Variants in PRKAG2 observed in about 807,000 individuals in gnomAD.
The protein encoded by PRKAG2 is 5'-AMP-activated protein kinase subunit gamma-2.
Under a neutral mutation model 69.6 loss-of-function variants are expected in PRKAG2, and 26 were observed. The ratio of observed to expected loss-of-function variants is 0.37; its 90% confidence interval spans 0.27 to 0.52. The LOEUF (loss-of-function observed/expected upper bound fraction) is 0.52, where lower values mean the gene tolerates loss of function less well. Among genes scored for constraint, PRKAG2 ranks in the 20% least tolerant of loss-of-function variants. The probability of loss-of-function intolerance (pLI) is 0.90; values close to 1 mark genes in which losing one functional copy is unlikely to be tolerated. For missense variants in PRKAG2, 557 were observed against 740.0 expected (o/e 0.75, Z 2.87); for synonymous variants, 293 against 285.0 (o/e 1.03, Z -0.28).
At chr7:151,809,347 C>T (rs536603586) in intron 1 of PRKAG2, 40 of 434,682 alleles carry the variant, frequency 9.2e-5, no homozygotes, top group African/African-American at 2.0e-4. Flanking sequence ...TCGCAGTCCA[C>T]GGCAGGTGTC....
chr7:151,675,600 T>C lies in PRKAG2; in HGVS notation c.504A>G (p.Gln168=). The C allele has an allele frequency of 6.2e-7, 1 of 1,614,052 alleles. No individual in the cohort carries two copies. The highest frequency in any genetic ancestry group is 2.2e-5 in the East Asian group (1 of 44,860). Residue 168 remains glutamine, a synonymous_variant, in exon 4 of 16, where the codon CAA becomes CAG. Transcript: ENST00000287878. ...GGGGAAACGTGTGCTGCTTGGTCAC[T>C]TGGGTGGGTGTTGACGGAGAGGAGG... ...GLSSSPSTPT[Q]VTKQHTFPLE... is the part of the protein sequence containing the mutation.
At chr7:151,749,764 C>T (rs1472769012) in intron 3 of PRKAG2, among the ~76,000 whole-genome samples, 2 of 147,170 alleles carry the variant, frequency 1.4e-5, no homozygotes, top group Non-Finnish European at 3.0e-5. Flanking sequence ...GACCACTTCA[C>T]ATCCTCTAGG....
intron 1 of PRKAG2, among the ~76,000 whole-genome samples, chr7:151,870,202 CAGA>C (rs1274323588): frequency 7.4e-5 from 11 of 149,500 alleles, no homozygotes; most frequent in Non-Finnish European, 1.3e-4. Flanking sequence ...GGCAGGCAGA[CAGA>C]GGAATAACTC....
intron 1 of PRKAG2, among the ~76,000 whole-genome samples, chr7:151,820,691 C>A (rs896152104): frequency 6.6e-6 from 1 of 152,232 alleles, no homozygotes; most frequent in African/African-American, 2.4e-5. Flanking sequence ...CCCACAGGGT[C>A]AATGTCCAGT....
chr7:151,713,095 T>C (rs1795585439), intron 3 of PRKAG2, among the ~76,000 whole-genome samples: 1 of 152,120 alleles, frequency 6.6e-6, no homozygotes, highest in African/African-American at 2.4e-5. Context: ...TTCTCCTGTA[T>C]GGCACTGTCA....
intron 3 of PRKAG2, among the ~76,000 whole-genome samples, chr7:151,721,605 G>T (rs1159549361): frequency 6.6e-6 from 1 of 152,170 alleles, no homozygotes; most frequent in African/African-American, 2.4e-5. Flanking sequence ...GGGGACATAT[G>T]CTAGGACCCC....
chr7:151,566,711 G>GA, intron 11 of PRKAG2: 1 of 341,774 alleles, frequency 2.9e-6, no homozygotes, highest in Admixed American at 3.7e-5. Context: ...TAGAAATTTA[G>GA]AGAAAAAAAA....
At chr7:151,737,603 G>A (rs2073535310) in intron 3 of PRKAG2, among the ~76,000 whole-genome samples, 1 of 152,168 alleles carries the variant, frequency 6.6e-6, no homozygotes, top group Non-Finnish European at 1.5e-5. Context: ...GATGGAGTGT[G>A]GGGTGGAAGC....
intron 1 of PRKAG2, among the ~76,000 whole-genome samples, chr7:151,810,981 A>G (rs1347479364): frequency 6.6e-6 from 1 of 151,796 alleles, no homozygotes; most frequent in Non-Finnish European, 1.5e-5. Flanking sequence ...CCACCATGGG[A>G]CCCCAGGTGG....
In PRKAG2 at chr7:151,827,774, A is replaced by C. The variant is rs867369853; in HGVS notation, c.115-41233T>G. Among the ~76,000 whole-genome samples the C allele has an allele frequency of 2.7e-5, 4 of 147,428 alleles. No individual in the cohort carries two copies. The South Asian group carries it at 6.6e-4, about 24-fold the overall frequency. ...AAAAAAAAAAAAAAAAAAAAAAAAA[A>C]CTGCCTTGCTGTAGCCTGTCGTGGT... On this transcript the variant is annotated intron_variant, in intron 1 of 15. Coordinates refer to ENST00000287878, the MANE Select transcript of PRKAG2 (RefSeq NM_016203.4).
At chr7:151,653,337 G>T (rs530617939) in intron 4 of PRKAG2, among the ~76,000 whole-genome samples, 180 of 152,254 alleles carry the variant, frequency 1.2e-3, no homozygotes, top group African/African-American at 4.2e-3. Flanking sequence ...TTCTAGTGCT[G>T]ATTAATATAG....
rs994470722 is a variant in PRKAG2, at chr7:151,822,469, C to T, written c.115-35928G>A. Among the ~76,000 whole-genome samples the T allele has an allele frequency of 2.0e-5, 3 of 152,216 alleles. No homozygotes were observed. The East Asian group carries it at 5.8e-4, about 29-fold the overall frequency. On this transcript the variant is annotated intron_variant, in intron 1 of 15. Transcript: ENST00000287878. ...AAAGGCAGATGCGGCCCTGAAGACC[C>T]TCTGAGCCAGTCTTGGGACATGTCT...
intron 5 of PRKAG2, among the ~76,000 whole-genome samples, chr7:151,597,865 A>G (rs890657673): frequency 7.1e-6 from 1 of 141,428 alleles, no homozygotes; most frequent in African/African-American, 2.5e-5. Context: ...GGAATGAAAT[A>G]TAAATTAGTA....
chr7:151,839,498 G>A (rs1108513), intron 1 of PRKAG2, among the ~76,000 whole-genome samples: 21 of 152,168 alleles, frequency 1.4e-4, no homozygotes, highest in Non-Finnish European at 2.2e-4. Context: ...GTGCCTGTTC[G>A]GAATGAGAAT....
At chr7:151,644,569 AT>A (rs1414177352) in intron 4 of PRKAG2, among the ~76,000 whole-genome samples, 12 of 152,186 alleles carry the variant, frequency 7.9e-5, no homozygotes, top group African/African-American at 2.9e-4. Flanking sequence ...GATAGACCCC[AT>A]TTTGTCTATT....
chr7:151,592,329 A>G (rs1813399436), intron 6 of PRKAG2, among the ~76,000 whole-genome samples: 1 of 152,184 alleles, frequency 6.6e-6, no homozygotes, highest in African/African-American at 2.4e-5. Context: ...CTTTATCAGG[A>G]CTGAGATGGC....
intron 1 of PRKAG2, among the ~76,000 whole-genome samples, chr7:151,812,897 A>G (rs2078492821): frequency 6.6e-6 from 1 of 151,602 alleles, no homozygotes; most frequent in Admixed American, 6.6e-5. Context: ...TTTCCTCATT[A>G]TAAGCGTGTG....
At position 151,832,652 on chromosome 7, in the gene PRKAG2, G is replaced by A. The variant is rs117495109; in HGVS notation, c.114+43855C>T. On this transcript the variant is annotated intron_variant, in intron 1 of 15. Transcript: ENST00000287878. ...GTCCCTTCCACAGCGTGAGCCCCCC[G>A]TGCCTGCAAAGGAACGCAGGATCCA... 5.3e-3 allele frequency among the ~76,000 whole-genome samples: 788 copies of A among 149,084 alleles called. 10 individuals carry two copies. Among genetic ancestry groups the A allele is most frequent in the Non-Finnish European group, 6.5e-3 (439 of 67,420 alleles).
intron 1 of PRKAG2, among the ~76,000 whole-genome samples, chr7:151,802,906 A>T (rs2077912742): frequency 6.6e-6 from 1 of 151,720 alleles, no homozygotes; most frequent in Non-Finnish European, 1.5e-5. Context: ...CCACAAGGTT[A>T]AAGTTATCAT....
Sources: allele counts gnomAD v4.1 joint callset (sites outside exome capture counted in the v4.1 genomes callset), GRCh38; gene constraint gnomAD v4.1.1; transcripts MANE v1.5; gene names NCBI Gene and HGNC (gene_info 2026-07-23, HGNC 2026-07-21).